XKR5: variants seen among roughly 807,000 people sequenced by gnomAD.
The protein encoded by XKR5 is XK-related protein 5.
A neutral mutation model predicts 40.8 loss-of-function variants in XKR5; 46 were observed. The ratio of observed to expected loss-of-function variants is 1.13; its 90% confidence interval spans 0.89 to 1.44. The LOEUF (loss-of-function observed/expected upper bound fraction) is 1.44, where lower values mean the gene tolerates loss of function less well. Ranked by LOEUF, XKR5 falls within the 40% of genes most tolerant of loss-of-function variation. XKR5 has a pLI of 0.00. For synonymous variants in XKR5, 466 were observed against 356.1 expected (o/e 1.31, Z -3.48); for missense variants, 1,169 against 844.7 (o/e 1.38, Z -4.76).
Position 6,835,487 on chromosome 8 carries a change from C to G in XKR5, c.7G>C (p.Ala3Pro). 6.7e-7 allele frequency: 1 copy of G among 1,502,308 alleles called. No individual in the cohort carries two copies. Among genetic ancestry groups the G allele is most frequent in the Non-Finnish European group, 8.8e-7 (1 of 1,132,886 alleles). The allele number at this position is 1,502,308 out of a possible 1,614,324, so 93.1% of individuals were successfully genotyped here. A position where few individuals can be genotyped will look rare whatever the true frequency, so the allele number is the denominator to read the frequency against. Residue 3 changes from alanine (A) to proline (P), a missense_variant, in exon 1 of 7, where the codon GCG becomes CCG. Transcript: ENST00000618742. MH[A>P]RLLGLSALLQ... ...AGGGCCGAGAGCCCCAGGAGCCTCGCGTGCATCTTCCGTGCCGACCCCGCA... is the reference window on the plus strand; with the variant it reads ...AGGGCCGAGAGCCCCAGGAGCCTCGGGTGCATCTTCCGTGCCGACCCCGCA...
rs944188194 is a variant in XKR5, at chr8:6,812,002, C to G, written c.1257G>C (p.Lys419Asn). Residue 419 changes from lysine to asparagine, a missense_variant, in exon 7 of 7, where the codon AAG (lysine) becomes AAC (asparagine). Transcript: ENST00000618742. ...KLALKTGNVS[K>N]INAAFGDNSP... Reference sequence around the variant, plus strand: ...TGTTATCTCCAAAGGCGGCATTGATCTTAGACACATTTCCTGTTTTTAGGG... The same window carrying G: ...TGTTATCTCCAAAGGCGGCATTGATGTTAGACACATTTCCTGTTTTTAGGG... 14 of 1,537,230 alleles carry G rather than the reference C, an allele frequency of 9.1e-6. No homozygotes were observed. In the Middle Eastern group the frequency reaches 6.7e-4, roughly 73 times the overall value.
intron 2 of XKR5, among the ~76,000 whole-genome samples, chr8:6,830,027 C>A (rs1006548628): frequency 3.3e-5 from 5 of 151,604 alleles, no homozygotes; most frequent in African/African-American, 9.7e-5. Context: ...TTAGTAGAGA[C>A]GGGGTTTCAC....
chr8:6,833,925 C>T (rs980609422), intron 1 of XKR5, among the ~76,000 whole-genome samples: 5 of 152,222 alleles, frequency 3.3e-5, no homozygotes, highest in Admixed American at 3.3e-4. Context: ...GATGAAACCT[C>T]CTCTCTGGTT....
chr8:6,829,672 C>A (rs555665539), intron 2 of XKR5, among the ~76,000 whole-genome samples: 3 of 152,082 alleles, frequency 2.0e-5, no homozygotes, highest in African/African-American at 7.2e-5. Context: ...TGCGTGACCA[C>A]GCCTGGCTAA....
rs1054103570 is a variant in XKR5, at chr8:6,814,184, C to T, written c.919+1623G>A. ...TTCCCATAGGCCATTTATCCACACACACAGCTTAGAAATCAATGCTCTGCG... is the reference window on the plus strand; with the variant it reads ...TTCCCATAGGCCATTTATCCACACATACAGCTTAGAAATCAATGCTCTGCG... On this transcript the variant is annotated intron_variant, in intron 6 of 6. Transcript: ENST00000618742. Among the ~76,000 whole-genome samples, 7 of 152,200 alleles carry T rather than the reference C, an allele frequency of 4.6e-5. No homozygotes were observed. The East Asian group carries it at 1.3e-3, about 29-fold the overall frequency.
chr8:6,833,707 C>G (rs1389167034), intron 1 of XKR5, among the ~76,000 whole-genome samples: 1 of 151,224 alleles, frequency 6.6e-6, no homozygotes, highest in East Asian at 1.9e-4. Context: ...CAGAGCAAGA[C>G]TCTTGTCTCA....
At chr8:6,831,250 C>A (rs567063731) in intron 2 of XKR5, among the ~76,000 whole-genome samples, 1 of 152,190 alleles carries the variant, frequency 6.6e-6, no homozygotes, top group African/African-American at 2.4e-5. Context: ...CCCTATGAGG[C>A]CCTCCGAAAG....
At chr8:6,819,296 G>T (rs1350856904) in intron 5 of XKR5, among the ~76,000 whole-genome samples, 1 of 152,186 alleles carries the variant, frequency 6.6e-6, no homozygotes, top group Non-Finnish European at 1.5e-5. Flanking sequence ...GTGGGTCCCG[G>T]CACCCTCCGC....
At chr8:6,818,774 G>A (rs1256869740) in intron 5 of XKR5, among the ~76,000 whole-genome samples, 1 of 152,214 alleles carries the variant, frequency 6.6e-6, no homozygotes, top group African/African-American at 2.4e-5. Context: ...CAGGGCTGAG[G>A]CCCAGCTGCA....
At chr8:6,835,008 G>A (rs1461607400) in intron 1 of XKR5, among the ~76,000 whole-genome samples, 1 of 152,212 alleles carries the variant, frequency 6.6e-6, no homozygotes, top group Non-Finnish European at 1.5e-5. Context: ...CCGGGGGTCG[G>A]GGGAGAGCCC....
chr8:6,831,788 G>A (rs987172822), intron 2 of XKR5, among the ~76,000 whole-genome samples: 3 of 152,100 alleles, frequency 2.0e-5, no homozygotes, highest in African/African-American at 7.2e-5. Context: ...GGCCAAGGTG[G>A]GCGGATCACG....
chr8:6,812,449 A>T, intron 6 of XKR5, 110 bp from the exon 7 acceptor site: 2 of 1,189,856 alleles, frequency 1.7e-6, no homozygotes, highest in Admixed American at 2.9e-5. Flanking sequence ...ATAATTTGGG[A>T]TCCAAAATAG....
chr8:6,833,772 C>A (rs1804876244), intron 1 of XKR5, among the ~76,000 whole-genome samples: 1 of 152,196 alleles, frequency 6.6e-6, no homozygotes, highest in South Asian at 2.1e-4. Flanking sequence ...CAGCAAGAGT[C>A]TCCTAGGAGC....
intron 1 of XKR5, among the ~76,000 whole-genome samples, chr8:6,833,988 C>T (rs1431044378): frequency 3.3e-5 from 5 of 152,168 alleles, no homozygotes; most frequent in Non-Finnish European, 7.3e-5. Flanking sequence ...AGAATGTGCA[C>T]TCCGCAGTCA....
chr8:6,820,644 G>A (rs1025715396), intron 5 of XKR5, among the ~76,000 whole-genome samples: 1 of 152,134 alleles, frequency 6.6e-6, no homozygotes. Context: ...GCATGACCTG[G>A]GCCCTGCCAC....
intron 2 of XKR5, among the ~76,000 whole-genome samples, chr8:6,825,824 G>A (rs928813315): frequency 1.3e-5 from 2 of 152,218 alleles, no homozygotes; most frequent in Admixed American, 6.5e-5. Flanking sequence ...GTAGAACTCT[G>A]TGCTGCGAAA....
chr8:6,830,551 C>T lies in XKR5; in HGVS notation c.242+2166G>A, dbSNP rs114526079. On this transcript the variant is annotated intron_variant, in intron 2 of 6. Transcript: ENST00000618742. Reference sequence around the variant, plus strand: ...CTTAGGGCCAAATTGTGACCCGCTTCCGATAGCTGTGCATTCTGGCTCTAT... The same window carrying T: ...CTTAGGGCCAAATTGTGACCCGCTTTCGATAGCTGTGCATTCTGGCTCTAT... 2.4e-3 allele frequency among the ~76,000 whole-genome samples: 372 copies of T among 152,332 alleles called. 2 individuals are homozygous for T. Among genetic ancestry groups the T allele is most frequent in the African/African-American group, 8.3e-3 (344 of 41,564 alleles).
rs1803545367 is a variant in XKR5 at position 6,808,664 on chromosome 8, A to C, written c.*2534T>G. 6.6e-6 allele frequency: 1 copy of C among 152,208 alleles called. No homozygotes were observed. The highest frequency in any genetic ancestry group is 1.5e-5 in the Non-Finnish European group (1 of 68,044). 9.4% of individuals were successfully genotyped at this position (152,208 alleles called of 1,614,324 possible). ...CCGATGTTGGTCCACAGGGCCTCGA[A>C]CAGCAAGTACATGCCTTGATTTCTG... On this transcript the variant is annotated 3_prime_UTR_variant, in exon 7 of 7. Coordinates refer to ENST00000618742, the MANE Select transcript of XKR5 (RefSeq NM_207411.5).
chr8:6,809,747 G>A lies in XKR5; in HGVS notation c.*1451C>T, dbSNP rs564282594. ...CTTAGTATGTGTCAGGCTGAGCTAA[G>A]TTATTCTACTATTCCTTTTTAGAGC... On this transcript the variant is annotated 3_prime_UTR_variant, in exon 7 of 7. Transcript: ENST00000618742. 1 of 152,336 alleles carries A rather than the reference G, an allele frequency of 6.6e-6. No homozygotes were observed. Among genetic ancestry groups the A allele is most frequent in the Non-Finnish European group, 1.5e-5 (1 of 68,050 alleles). 9.4% of individuals were successfully genotyped at this position (152,336 alleles called of 1,614,324 possible).
Sources: allele counts gnomAD v4.1 joint callset (sites outside exome capture counted in the v4.1 genomes callset), GRCh38; gene constraint gnomAD v4.1.1; transcripts MANE v1.5; gene names NCBI Gene and HGNC (gene_info 2026-07-23, HGNC 2026-07-21).